PCGF6: variants seen among roughly 807,000 people sequenced by gnomAD.
PCGF6 encodes the protein polycomb group RING finger protein 6.
In PCGF6, 24 loss-of-function variants were observed where a neutral mutation model predicts 45.5. That is an observed-to-expected ratio of 0.53 (90% CI 0.38 to 0.74). PCGF6 has a LOEUF of 0.74. Among genes scored for constraint, PCGF6 ranks in the 30% least tolerant of loss-of-function variants. The pLI is 0.00. For missense variants in PCGF6, 356 were observed against 443.2 expected, an observed-to-expected ratio of 0.80 and a Z score of 1.77; for synonymous variants, 152 against 162.1, an observed-to-expected ratio of 0.94 and a Z score of 0.47.
At chr10:103,306,500 A>C (rs1302166537) in intron 9 of PCGF6, among the ~76,000 whole-genome samples, 1 of 152,202 alleles carries the variant, frequency 6.6e-6, no homozygotes, top group Non-Finnish European at 1.5e-5. Context: ...GAACTGAGCA[A>C]CACAGAGAAG....
intron 6 of PCGF6, among the ~76,000 whole-genome samples, chr10:103,335,950 T>C (rs2093255710): frequency 6.8e-6 from 1 of 146,332 alleles, no homozygotes; most frequent in African/African-American, 2.6e-5. Context: ...CCGGTGACAG[T>C]GCGAGACTCC....
chr10:103,316,110 G>A (rs1473723643), intron 8 of PCGF6, among the ~76,000 whole-genome samples: 1 of 151,408 alleles, frequency 6.6e-6, no homozygotes, highest in East Asian at 1.9e-4. Flanking sequence ...ATTTCTCATT[G>A]TCTTCCATAC....
At chr10:103,333,488 G>A (rs540163017) in intron 7 of PCGF6, among the ~76,000 whole-genome samples, 2 of 152,076 alleles carry the variant, frequency 1.3e-5, no homozygotes, top group Non-Finnish European at 2.9e-5. Flanking sequence ...CTGTGATTTC[G>A]GAATCTTTAA....
intron 9 of PCGF6, among the ~76,000 whole-genome samples, chr10:103,305,960 C>T (rs2133551119): frequency 6.6e-6 from 1 of 151,854 alleles, no homozygotes; most frequent in Non-Finnish European, 1.5e-5. Context: ...GGCAGTTAGG[C>T]AACTTAACCC....
rs372831803 is a variant in PCGF6, at chr10:103,331,977, G to A, written c.810+1948C>T. 7.2e-5 allele frequency among the ~76,000 whole-genome samples: 11 copies of A among 151,966 alleles called. No homozygotes were observed. The East Asian group carries it at 1.4e-3, about 19-fold the overall frequency. ...CTGGCTAATTTTTTTTGTATTTTTA[G>A]TAGAGATGGGGTTTCACTGTTAGCC... On this transcript the variant is annotated intron_variant, in intron 7 of 9. Transcript: ENST00000369847.
At chr10:103,329,043 C>CCCCAATTTCTTAAACCTAGTA (rs1406090634) in intron 7 of PCGF6, among the ~76,000 whole-genome samples, 3 of 139,008 alleles carry the variant, frequency 2.2e-5, no homozygotes, top group African/African-American at 2.7e-5. Context: ...CTGCGCCCGG[C>CCCCAATTTCTTAAACCTAGTA]GGATTTTAAC....
intron 9 of PCGF6, among the ~76,000 whole-genome samples, chr10:103,305,340 G>A (rs1405022576): frequency 6.6e-6 from 1 of 151,634 alleles, no homozygotes; most frequent in Non-Finnish European, 1.5e-5. Flanking sequence ...GCGCAATCTT[G>A]GCTCACTGCA....
At chr10:103,339,809 AAACAC>A (rs1309401631) in intron 6 of PCGF6, among the ~76,000 whole-genome samples, 458 of 38,682 alleles carry the variant, frequency 0.012, 30 homozygotes, top group South Asian at 0.035. Context: ...CTCAAAAAAA[AAACAC>A]ACACACACAC....
At position 103,334,613 on chromosome 10, in the gene PCGF6, A is replaced by G. The variant is rs78779345; in HGVS notation, c.783-661T>C. ...TTTACAATATAAAATTTCTTACAAGAAGGCTGCTATGCTTCCTATTGCTTT... is the reference window on the plus strand; with the variant it reads ...TTTACAATATAAAATTTCTTACAAGGAGGCTGCTATGCTTCCTATTGCTTT... On this transcript the variant is annotated intron_variant, in intron 6 of 9. Transcript: ENST00000369847. Among the ~76,000 whole-genome samples the G allele has an allele frequency of 2.6e-5, 4 of 152,296 alleles. No individual in the cohort carries two copies. The East Asian group carries it at 7.7e-4, about 29-fold the overall frequency.
Position 103,350,777 on chromosome 10 carries a change from T to G in PCGF6, c.290A>C (p.Glu97Ala). 1 of 1,565,012 alleles carries G rather than the reference T, an allele frequency of 6.4e-7. No individual in the cohort carries two copies. The highest frequency in any genetic ancestry group is 8.7e-7 in the Non-Finnish European group (1 of 1,155,770). Reference sequence around the variant, plus strand: ...CGAGAAGTGACTCATGTCCTCCTCCTCCTCCTCTTCTTCCTCCTCCAGCTC... The same window carrying G: ...CGAGAAGTGACTCATGTCCTCCTCCGCCTCCTCTTCTTCCTCCTCCAGCTC... ...EEELEEEEEEEEEDMSHFSLR... is the reference protein window; with the variant it reads ...EEELEEEEEEAEEDMSHFSLR... Residue 97 changes from glutamate to alanine, a missense_variant, in exon 1 of 10, where the codon GAG (glutamate) becomes GCG (alanine). Physicochemically the swap from Glu to Ala is moderately radical, Grantham distance 107. Transcript: ENST00000369847.
chr10:103,313,852 T>A (rs2093165650), intron 9 of PCGF6, among the ~76,000 whole-genome samples: 2 of 152,166 alleles, frequency 1.3e-5, no homozygotes, highest in African/African-American at 4.8e-5. Context: ...GCTTTTAGAA[T>A]CAAACTGCCT....
intron 7 of PCGF6, among the ~76,000 whole-genome samples, chr10:103,332,774 G>GGTTTGATC (rs1197307005): frequency 1.2e-4 from 18 of 152,092 alleles, no homozygotes; most frequent in African/African-American, 4.3e-4. Context: ...GAACACCACC[G>GGTTTGATC]GTTTGATGTT....
At chr10:103,318,888 T>C (rs1027927378) in intron 8 of PCGF6, among the ~76,000 whole-genome samples, 4 of 152,230 alleles carry the variant, frequency 2.6e-5, no homozygotes, top group Non-Finnish European at 5.9e-5. Context: ...AGGCCAGCTT[T>C]GTAAGCAGGC....
rs915219706 is a variant in PCGF6, at chr10:103,335,773, C to T, written c.783-1821G>A. ...ATGAGGTCAGGAGTTCAAGAGCAGC[C>T]GGGCCAACATAATGAAACCCCGTCT... On this transcript the variant is annotated intron_variant, in intron 6 of 9. Coordinates refer to ENST00000369847, the MANE Select transcript of PCGF6 (RefSeq NM_001011663.2). 5.9e-5 allele frequency among the ~76,000 whole-genome samples: 9 copies of T among 151,746 alleles called. No individual in the cohort carries two copies. The South Asian group carries it at 6.2e-4, about 11-fold the overall frequency.
At chr10:103,312,891 G>A (rs1214799132) in intron 9 of PCGF6, among the ~76,000 whole-genome samples, 1 of 152,122 alleles carries the variant, frequency 6.6e-6, no homozygotes, top group African/African-American at 2.4e-5. Context: ...AACCCGGGAG[G>A]CGGAGCTTGC....
intron 6 of PCGF6, among the ~76,000 whole-genome samples, chr10:103,340,700 G>C (rs546043850): frequency 1.3e-4 from 20 of 151,778 alleles, no homozygotes; most frequent in Non-Finnish European, 2.8e-4. Flanking sequence ...GGGCTCAGTC[G>C]ATCCTCCCCC....
At chr10:103,332,737 A>G (rs1168848984) in intron 7 of PCGF6, among the ~76,000 whole-genome samples, 1 of 152,158 alleles carries the variant, frequency 6.6e-6, no homozygotes, top group African/African-American at 2.4e-5. Context: ...CCCACCCACT[A>G]CATGGCTACG....
intron 7 of PCGF6, among the ~76,000 whole-genome samples, chr10:103,333,050 CG>C (rs2093245826): frequency 6.7e-6 from 1 of 148,220 alleles, no homozygotes; most frequent in Non-Finnish European, 1.5e-5. Flanking sequence ...ACCCAGACGG[CG>C]GAAGTTGCAG....
At chr10:103,349,194 C>G (rs768116287) in intron 1 of PCGF6, among the ~76,000 whole-genome samples, 195 bp from the exon 2 acceptor site, 3 of 151,654 alleles carry the variant, frequency 2.0e-5, no homozygotes, top group Non-Finnish European at 1.5e-5. Context: ...ATTACAGGCG[C>G]GCACAACCAC....
Sources: allele counts gnomAD v4.1 joint callset (sites outside exome capture counted in the v4.1 genomes callset), GRCh38; gene constraint gnomAD v4.1.1; transcripts MANE v1.5; gene names NCBI Gene and HGNC (gene_info 2026-07-23, HGNC 2026-07-21).